DDX46: variants seen among roughly 807,000 people sequenced by gnomAD.
DDX46 encodes DEAD-box helicase 46.
A neutral mutation model predicts 134.9 loss-of-function variants in DDX46; 30 were observed. The observed-to-expected ratio is 0.22, with a 90% CI of 0.17 to 0.30. The LOEUF (loss-of-function observed/expected upper bound fraction) is 0.30. Among genes scored for constraint, DDX46 ranks in the 10% least tolerant of loss-of-function variants. DDX46 has a pLI of 1.00. For missense variants in DDX46, 622 were observed against 1,248.7 expected, an observed-to-expected ratio of 0.50 and a Z score of 7.56; for synonymous variants, 415 against 404.1, an observed-to-expected ratio of 1.03 and a Z score of -0.32.
chr5:134,783,286 G>A (rs887261547), intron 9 of DDX46, among the ~76,000 whole-genome samples: 5 of 150,682 alleles, frequency 3.3e-5, no homozygotes, highest in Admixed American at 3.3e-4. Flanking sequence ...GTCTTGCTCT[G>A]TTGCCCAGGG....
chr5:134,770,488 A>G (rs574563821), intron 3 of DDX46, among the ~76,000 whole-genome samples: 6 of 152,238 alleles, frequency 3.9e-5, no homozygotes, highest in Admixed American at 2.6e-4. Context: ...TGCTGGGTAT[A>G]TAAGTGTGAG....
At chr5:134,811,667 A>T (rs1240459442) in intron 17 of DDX46, 29 bp from the exon 18 acceptor site, 1 of 1,570,308 alleles carries the variant, frequency 6.4e-7, no homozygotes, top group Non-Finnish European at 8.6e-7. Context: ...TTTTACTATG[A>T]GATTAACTTC....
At chr5:134,771,103 C>A in intron 4 of DDX46, 104 bp downstream of exon 4, 1 of 571,960 alleles carries the variant, frequency 1.7e-6, no homozygotes, top group Non-Finnish European at 3.0e-6. Context: ...TTCTTTCTTT[C>A]TTTTCTGTCT....
At chr5:134,760,682 T>C (rs992189106) in intron 1 of DDX46, among the ~76,000 whole-genome samples, 7 of 152,172 alleles carry the variant, frequency 4.6e-5, no homozygotes, top group African/African-American at 1.7e-4. Flanking sequence ...GGTGATATAA[T>C]GTGAAGGGAA....
intron 21 of DDX46, among the ~76,000 whole-genome samples, chr5:134,821,364 A>T (rs1457299606): frequency 1.3e-5 from 2 of 151,300 alleles, no homozygotes; most frequent in Admixed American, 1.3e-4. Flanking sequence ...TTTAGTAGGG[A>T]TGAGGTTTCA....
chr5:134,821,529 G>GTTTTT (rs199657679), intron 21 of DDX46, among the ~76,000 whole-genome samples: 2 of 143,392 alleles, frequency 1.4e-5, no homozygotes, highest in Admixed American at 6.9e-5. Flanking sequence ...TTGTTTCTGG[G>GTTTTT]TTTTTTGTTT....
rs1198073075 is a variant in DDX46, at chr5:134,777,660, G to C, written c.700G>C (p.Glu234Gln). The C allele has an allele frequency of 1.2e-6, 2 of 1,613,848 alleles. No individual in the cohort carries two copies. The highest frequency in any genetic ancestry group is 1.7e-6 in the Non-Finnish European group (2 of 1,179,958). The change falls in exon 6 of 23, where the codon GAA (glutamate) becomes CAA (glutamine). Residue 234 changes from glutamate to glutamine, a missense_variant. Transcript: ENST00000452510. ...ELDPLDAYME[E>Q]VKEEVKKFNM... ...AGATCCATTAGATGCTTACATGGAA[G>C]AAGTGAAAGAGGAAGTAAAAAAATT...
chr5:134,791,867 C>G (rs929918907), intron 13 of DDX46, among the ~76,000 whole-genome samples: 1 of 152,078 alleles, frequency 6.6e-6, no homozygotes, highest in Non-Finnish European at 1.5e-5. Context: ...GAACCATATG[C>G]GAAACAGTTA....
In DDX46 at chr5:134,780,769, C is replaced by T. The variant is rs533831533; in HGVS notation, c.766-364C>T. 5 of 153,288 alleles carry T rather than the reference C, an allele frequency of 3.3e-5. No individual in the cohort carries two copies. The Admixed American group carries it at 3.3e-4, about 10-fold the overall frequency. 9.5% of individuals were successfully genotyped at this position (153,288 alleles called of 1,614,324 possible). A position where few individuals can be genotyped will look rare whatever the true frequency, so the allele number is the denominator to read the frequency against. On this transcript the variant is annotated intron_variant, in intron 6 of 22. Transcript: ENST00000452510. Reference sequence around the variant, plus strand: ...AGTTGGCTCAGTGCCCTGGCTCACACCTGCAATCCCAGAACTTTGGTAGGC... The same window carrying T: ...AGTTGGCTCAGTGCCCTGGCTCACATCTGCAATCCCAGAACTTTGGTAGGC...
At chr5:134,783,585 C>T (rs1438598236) in intron 9 of DDX46, among the ~76,000 whole-genome samples, 11 of 72,468 alleles carry the variant, frequency 1.5e-4, no homozygotes, top group South Asian at 5.4e-4. Context: ...GTTTCACTCT[C>T]GTTGCCCAGG....
chr5:134,829,422 TAAAAG>T lies in DDX46; in HGVS notation c.*720_*724del, dbSNP rs1755676950. The stretch of plus-strand genomic sequence containing the variant: ...CTAGCCCCTCTTTTATAATCTTCCT[TAAAAG>T]AAAGAGTGTAGCCTATAAATACTAA... On this transcript the variant is annotated 3_prime_UTR_variant, in exon 23 of 23. Coordinates refer to ENST00000452510, the MANE Select transcript of DDX46 (RefSeq NM_001300860.2). 1 of 152,194 alleles carries T rather than the reference TAAAAG, an allele frequency of 6.6e-6. No individual in the cohort carries two copies. Among genetic ancestry groups the T allele is most frequent in the Non-Finnish European group, 1.5e-5 (1 of 68,034 alleles). The allele number at this position is 152,194 out of a possible 1,614,324, so 9.4% of individuals were successfully genotyped here. A position where few individuals can be genotyped will look rare whatever the true frequency, so the allele number is the denominator to read the frequency against.
chr5:134,787,111 A>G (rs1256334635), intron 11 of DDX46, among the ~76,000 whole-genome samples: 1 of 151,866 alleles, frequency 6.6e-6, no homozygotes, highest in African/African-American at 2.4e-5. Flanking sequence ...TTTTGTAGAG[A>G]CGAGGTTTTG....
intron 21 of DDX46, among the ~76,000 whole-genome samples, chr5:134,820,935 G>C (rs990081391): frequency 4.9e-5 from 7 of 141,946 alleles, no homozygotes; most frequent in African/African-American, 1.9e-4. Flanking sequence ...GCACAATCTC[G>C]ACTCACTGCA....
At chr5:134,812,650 A>G (rs1447277045) in intron 18 of DDX46, among the ~76,000 whole-genome samples, 1 of 151,958 alleles carries the variant, frequency 6.6e-6, no homozygotes, top group Non-Finnish European at 1.5e-5. Flanking sequence ...AGCTCAAAAA[A>G]TTAGCCGGGC....
chr5:134,805,519 T>A (rs1405113101), intron 15 of DDX46, among the ~76,000 whole-genome samples: 1 of 150,710 alleles, frequency 6.6e-6, no homozygotes, highest in Non-Finnish European at 1.5e-5. Context: ...TCAGTTCTGA[T>A]TTCTTTTCTT....
chr5:134,817,452 C>T, intron 19 of DDX46, 44 bp from the exon 20 acceptor site: 1 of 1,583,900 alleles, frequency 6.3e-7, no homozygotes, highest in Non-Finnish European at 8.6e-7. Flanking sequence ...CTACTCTTGT[C>T]TCTGCCCTCA....
At chr5:134,813,385 C>T (rs2548968) in intron 18 of DDX46, among the ~76,000 whole-genome samples, 31,430 of 152,188 alleles carry the variant, frequency 0.21, 4,161 homozygotes, top group Non-Finnish European at 0.3. Context: ...CTTAGGCGCT[C>T]GTGAGATTGC....
chr5:134,805,173 ATT>A (rs113554220), intron 15 of DDX46: 332 of 155,302 alleles, frequency 2.1e-3, no homozygotes, highest in South Asian at 5.5e-3. Context: ...GAAGAACTGT[ATT>A]TTTTTTTTTT....
chr5:134,770,224 A>T (rs867062476), intron 3 of DDX46, among the ~76,000 whole-genome samples: 25 of 124,304 alleles, frequency 2.0e-4, no homozygotes, highest in South Asian at 4.9e-4. Flanking sequence ...TTTTTTTTTT[A>T]AAAAGAGACA....
Sources: allele counts gnomAD v4.1 joint callset (sites outside exome capture counted in the v4.1 genomes callset), GRCh38; gene constraint gnomAD v4.1.1; transcripts MANE v1.5; gene names NCBI Gene and HGNC (gene_info 2026-07-23, HGNC 2026-07-21).